RAD51B: variants seen among roughly 807,000 people sequenced by gnomAD.
RAD51B encodes the protein RAD51 paralog B.
RAD51B carries 38 observed loss-of-function variants against 42.2 expected under a neutral mutation model. The observed-to-expected ratio is 0.90, with a 90% CI of 0.70 to 1.18. The LOEUF (loss-of-function observed/expected upper bound fraction) is 1.18. Ranked by LOEUF, RAD51B falls within the 50% of genes most tolerant of loss-of-function variation. The pLI, the probability that RAD51B is intolerant of heterozygous loss-of-function variation, is 0.00. For missense variants in RAD51B, 373 were observed against 400.7 expected, an observed-to-expected ratio of 0.93 and a Z score of 0.59; for synonymous variants, 154 against 145.2, an observed-to-expected ratio of 1.06 and a Z score of -0.43.
rs147273484 is a variant in RAD51B at position 68,610,074 on chromosome 14, G to T, written c.1037-932G>T. Among the ~76,000 whole-genome samples the T allele has an allele frequency of 3.7e-3, 569 of 152,050 alleles. 3 individuals carry two copies. The highest frequency in any genetic ancestry group is 0.013 in the African/African-American group (528 of 41,452). ...CTCCCCAGATCCCCACATTTCTACC[G>T]GCCTACTCTGCTGGCCGTCTCTGCT... On this transcript the variant is annotated intron_variant, in intron 10 of 10. Transcript: ENST00000487861.
At chr14:68,543,888 T>C (rs756100078) in intron 10 of RAD51B, among the ~76,000 whole-genome samples, 31 of 152,232 alleles carry the variant, frequency 2.0e-4, no homozygotes, top group Non-Finnish European at 4.4e-4. Flanking sequence ...AGGACTCTTT[T>C]TGTTACACCA....
chr14:68,458,913 C>T (rs2085772615), intron 9 of RAD51B, among the ~76,000 whole-genome samples: 3 of 152,088 alleles, frequency 2.0e-5, no homozygotes, highest in Non-Finnish European at 2.9e-5. Context: ...GTTTAGATGC[C>T]GCTAAACTCA....
intron 10 of RAD51B, among the ~76,000 whole-genome samples, chr14:68,601,816 GAC>G (rs1891230953): frequency 6.6e-6 from 1 of 152,082 alleles, no homozygotes; most frequent in Admixed American, 6.6e-5. Flanking sequence ...TCTGGAACAT[GAC>G]ACTGGTCACT....
chr14:67,971,714 T>C (rs1307567507), intron 7 of RAD51B, among the ~76,000 whole-genome samples: 1 of 152,066 alleles, frequency 6.6e-6, no homozygotes, highest in Non-Finnish European at 1.5e-5. Flanking sequence ...GTTATGTGAC[T>C]ACTTAGGTCA....
At chr14:68,587,805 A>G (rs547702712) in intron 10 of RAD51B, among the ~76,000 whole-genome samples, 1 of 152,374 alleles carries the variant, frequency 6.6e-6, no homozygotes, top group Admixed American at 6.5e-5. Context: ...GGTACATAGC[A>G]TAGCTGACTG....
chr14:68,118,099 G>A (rs1453055519), intron 7 of RAD51B, among the ~76,000 whole-genome samples: 2 of 151,966 alleles, frequency 1.3e-5, no homozygotes, highest in South Asian at 4.2e-4. Flanking sequence ...CCATCAACAA[G>A]GATATTTATT....
At chr14:68,489,590 A>C (rs1182409023) in intron 10 of RAD51B, among the ~76,000 whole-genome samples, 1 of 152,216 alleles carries the variant, frequency 6.6e-6, no homozygotes, top group Non-Finnish European at 1.5e-5. Context: ...TGTGCAAGTA[A>C]AAGAACAACT....
At chr14:68,386,722 T>C (rs1056677755) in intron 8 of RAD51B, among the ~76,000 whole-genome samples, 1 of 152,210 alleles carries the variant, frequency 6.6e-6, no homozygotes, top group Non-Finnish European at 1.5e-5. Context: ...CTCCTCCTAA[T>C]GGCATTCAGT....
At chr14:68,167,666 C>T (rs1406608440) in intron 7 of RAD51B, among the ~76,000 whole-genome samples, 2 of 151,964 alleles carry the variant, frequency 1.3e-5, no homozygotes, top group African/African-American at 4.8e-5. Flanking sequence ...GATGGGTAGA[C>T]GAGGTCTTTA....
At chr14:68,507,836 C>T (rs545805802) in intron 10 of RAD51B, among the ~76,000 whole-genome samples, 5 of 152,328 alleles carry the variant, frequency 3.3e-5, no homozygotes, top group East Asian at 1.9e-4. Context: ...CCTGCTCCTC[C>T]GCCAGTCTAG....
chr14:68,304,699 T>G (rs913103288), intron 8 of RAD51B, among the ~76,000 whole-genome samples: 4 of 152,198 alleles, frequency 2.6e-5, no homozygotes, highest in Admixed American at 2.0e-4. Context: ...ATCTGTACTA[T>G]TTTGAGCAAG....
chr14:68,322,334 T>C (rs2139768628), intron 8 of RAD51B, among the ~76,000 whole-genome samples: 1 of 152,330 alleles, frequency 6.6e-6, no homozygotes, highest in African/African-American at 2.4e-5. Context: ...ATGGATCTCT[T>C]CTCACCTGTA....
At chr14:68,065,039 C>G (rs528505808) in intron 7 of RAD51B, among the ~76,000 whole-genome samples, 1 of 152,118 alleles carries the variant, frequency 6.6e-6, no homozygotes, top group Non-Finnish European at 1.5e-5. Flanking sequence ...TGCTTTTCAT[C>G]TTGGATCCCT....
intron 7 of RAD51B, among the ~76,000 whole-genome samples, chr14:68,193,094 G>A (rs998413638): frequency 2.0e-5 from 3 of 151,894 alleles, no homozygotes; most frequent in Admixed American, 6.6e-5. Flanking sequence ...TGTTGATCCC[G>A]CGTGACCCCT....
At chr14:68,561,097 C>T (rs1889123833) in intron 10 of RAD51B, among the ~76,000 whole-genome samples, 1 of 152,202 alleles carries the variant, frequency 6.6e-6, no homozygotes, top group African/African-American at 2.4e-5. Context: ...CTGCCTCCTA[C>T]ACCTTCCTCT....
rs114875718 is a variant in RAD51B, at chr14:68,033,099, C to A, written c.756+145895C>A. ...ACATTTTACAGTTCCTTATCTCCCC[C>A]CAAGATTCCAGAAGGCAGGAGCCAT... On this transcript the variant is annotated intron_variant, in intron 7 of 10. Transcript: ENST00000471583. Among the ~76,000 whole-genome samples, 89 of 152,280 alleles carry A rather than the reference C, an allele frequency of 5.8e-4. 1 individual carries two copies. Among genetic ancestry groups the A allele is most frequent in the Non-Finnish European group, 1.9e-4 (13 of 68,028 alleles).
chr14:67,841,801 T>G (rs953077788), intron 4 of RAD51B, among the ~76,000 whole-genome samples: 2 of 152,188 alleles, frequency 1.3e-5, no homozygotes, highest in African/African-American at 4.8e-5. Flanking sequence ...ACCAGTACCA[T>G]GCCGTTTTGG....
At chr14:68,099,056 T>C (rs2077245060) in intron 7 of RAD51B, among the ~76,000 whole-genome samples, 1 of 152,234 alleles carries the variant, frequency 6.6e-6, no homozygotes, top group Admixed American at 6.5e-5. Flanking sequence ...TTCAATATTA[T>C]GTCATAGTTC....
At chr14:67,982,933 C>T (rs1036321327) in intron 7 of RAD51B, among the ~76,000 whole-genome samples, 8 of 152,106 alleles carry the variant, frequency 5.3e-5, no homozygotes, top group African/African-American at 1.9e-4. Context: ...GGCATGGTGG[C>T]ACGAGCCTGT....
Sources: allele counts gnomAD v4.1 joint callset (sites outside exome capture counted in the v4.1 genomes callset), GRCh38; gene constraint gnomAD v4.1.1; transcripts MANE v1.5; gene names NCBI Gene and HGNC (gene_info 2026-07-23, HGNC 2026-07-21).